NAGA: variants seen among roughly 807,000 people sequenced by gnomAD.
NAGA encodes the protein alpha-N-acetylgalactosaminidase.
NAGA carries 42 observed loss-of-function variants against 45.6 expected under a neutral mutation model. The observed-to-expected ratio is 0.92, with a 90% CI of 0.72 to 1.19. The LOEUF (loss-of-function observed/expected upper bound fraction) is 1.19. Among genes scored for constraint, NAGA ranks in the 50% most tolerant of loss-of-function variants. The pLI is 0.00. For synonymous variants in NAGA, 176 were observed against 203.1 expected, an observed-to-expected ratio of 0.87 and a Z score of 1.13; for missense variants, 493 against 544.8, an observed-to-expected ratio of 0.90 and a Z score of 0.95.
At position 42,067,781 on chromosome 22, in the gene NAGA, G is replaced by C. The variant is rs766999974; in HGVS notation, c.308C>G (p.Pro103Arg). Residue 103 changes from proline to arginine, a missense_variant, in exon 3 of 9, where the codon CCT becomes CGT. Physicochemically the swap from Pro to Arg is moderately radical, Grantham distance 103. Coordinates refer to ENST00000396398, the MANE Select transcript of NAGA (RefSeq NM_000262.3). ...GCGGCTCACGTAGTCAGCCAGGAAAGGAATGCCATGAGGGAAGCGCTTGGG... is the reference window on the plus strand; with the variant it reads ...GCGGCTCACGTAGTCAGCCAGGAAACGAATGCCATGAGGGAAGCGCTTGGG... Reference protein sequence around the residue: ...PDPKRFPHGIPFLADYVHSLG... With the variant: ...PDPKRFPHGIRFLADYVHSLG... 9.2e-5 allele frequency: 149 copies of C among 1,612,338 alleles called. No individual in the cohort carries two copies. Among genetic ancestry groups the C allele is most frequent in the Non-Finnish European group, 1.1e-4 (131 of 1,179,962 alleles).
At chr22:42,064,300 A>G (rs1001652568) in intron 6 of NAGA, among the ~76,000 whole-genome samples, 4 of 151,272 alleles carry the variant, frequency 2.6e-5, no homozygotes, top group African/African-American at 7.3e-5. Flanking sequence ...AGATCATGCC[A>G]TTGCACTCCA....
rs1232680711 is a variant in NAGA at position 42,070,740 on chromosome 22, C to T, written c.-443G>A. 3 of 297,538 alleles carry T rather than the reference C, an allele frequency of 1.0e-5. No homozygotes were observed. The highest frequency in any genetic ancestry group is 2.0e-5 in the Non-Finnish European group (3 of 151,782). 18.4% of individuals were successfully genotyped at this position (297,538 alleles called of 1,614,324 possible). ...CTGGGCTCCCCAAAACCGCAGAGCC[C>T]CCTCCCACCGCACTTATCCTACCGA... On this transcript the variant is annotated 5_prime_UTR_variant, in exon 1 of 9. Transcript: ENST00000396398.
chr22:42,059,642 T>C lies in NAGA; in HGVS notation c.*637A>G, dbSNP rs915355315. ...AGGAAGTACAATCTTCTGGTCACTT[T>C]GGAAAAGGAGGGGCCAGACGATGCC... On this transcript the variant is annotated 3_prime_UTR_variant, in exon 9 of 9. Transcript: ENST00000396398. 1 of 154,042 alleles carries C rather than the reference T, an allele frequency of 6.5e-6. No individual in the cohort carries two copies. The highest frequency in any genetic ancestry group is 6.4e-5 in the Admixed American group (1 of 15,698). 9.5% of individuals were successfully genotyped at this position (154,042 alleles called of 1,614,324 possible). A position where few individuals can be genotyped will look rare whatever the true frequency, so the allele number is the denominator to read the frequency against.
chr22:42,060,543 A>G (rs766320751), intron 8 of NAGA, 130 bp from the exon 9 acceptor site: 17 of 1,297,696 alleles, frequency 1.3e-5, no homozygotes, highest in Non-Finnish European at 1.7e-5. Context: ...TATGCCCTAC[A>G]GAAGTGGGAG....
At position 42,060,041 on chromosome 22, in the gene NAGA, G is replaced by C; in HGVS notation, c.*238C>G. ...TGCTCAGCAACGTCTGTGGGGCTGCGCACATGGAAGTAGAGGCCAGGAAGG... is the reference window on the plus strand; with the variant it reads ...TGCTCAGCAACGTCTGTGGGGCTGCCCACATGGAAGTAGAGGCCAGGAAGG... On this transcript the variant is annotated 3_prime_UTR_variant, in exon 9 of 9. Transcript: ENST00000396398. The C allele has an allele frequency of 1.8e-6, 1 of 540,724 alleles. No individual in the cohort carries two copies. The highest frequency in any genetic ancestry group is 2.0e-5 in the South Asian group (1 of 50,910). 33.5% of individuals were successfully genotyped at this position (540,724 alleles called of 1,614,324 possible). A position where few individuals can be genotyped will look rare whatever the true frequency, so the allele number is the denominator to read the frequency against.
chr22:42,066,675 G>A (rs757362724), intron 5 of NAGA, 35 bp downstream of exon 5: 1 of 1,552,202 alleles, frequency 6.4e-7, no homozygotes, highest in Non-Finnish European at 8.7e-7. Context: ...CCTGGGTGTG[G>A]GAAGCGCCAT....
intron 7 of NAGA, 132 bp from the exon 8 acceptor site, chr22:42,061,199 A>G: frequency 8.6e-7 from 1 of 1,160,708 alleles, no homozygotes; most frequent in Non-Finnish European, 1.2e-6. Flanking sequence ...GGAGGATGCC[A>G]CGGGCCTCCA....
intron 2 of NAGA, 136 bp downstream of exon 2, chr22:42,068,303 C>T (rs866715147): frequency 4.1e-5 from 58 of 1,422,036 alleles, no homozygotes; most frequent in Middle Eastern, 2.2e-4. Context: ...TCAGACAGTC[C>T]GAGTGACTTC....
In NAGA at chr22:42,059,399, TG is replaced by T. The variant is rs1418218999; in HGVS notation, c.*879del. 2 of 152,478 alleles carry T rather than the reference TG, an allele frequency of 1.3e-5. No homozygotes were observed. Among genetic ancestry groups the T allele is most frequent in the East Asian group, 3.8e-4 (2 of 5,196 alleles). 9.4% of individuals were successfully genotyped at this position (152,478 alleles called of 1,614,324 possible). A position where few individuals can be genotyped will look rare whatever the true frequency, so the allele number is the denominator to read the frequency against. On this transcript the variant is annotated 3_prime_UTR_variant, in exon 9 of 9. Coordinates refer to ENST00000396398, the MANE Select transcript of NAGA (RefSeq NM_000262.3). Reference sequence around the variant, plus strand: ...ATATGAACCTCCTTTGCAGCCAGGTTGGGAGAGAAATAAAGGAAAAGAAGTA... The same window carrying T: ...ATATGAACCTCCTTTGCAGCCAGGTTGGAGAGAAATAAAGGAAAAGAAGTA...
intron 2 of NAGA, 59 bp downstream of exon 2, chr22:42,068,379 TG>T: frequency 6.2e-7 from 1 of 1,613,488 alleles, no homozygotes; most frequent in African/African-American, 1.3e-5. Flanking sequence ...CTCCACTTCC[TG>T]CCCCCGAATC....
In NAGA at chr22:42,060,405, G is replaced by A. The variant is rs781670429; in HGVS notation, c.1110C>T (p.Asp370=). The part of the protein sequence containing the change: ...FTGSVIYEAQ[D]VYSGDIISGL... ...CACTGATGATGTCACCTGAGTAGAC[G>A]TCCTGGGCCTGCAGTGGGGAGGGAC... Residue 370 remains aspartate, a synonymous_variant, in exon 9 of 9, where the codon GAC becomes GAT. Transcript: ENST00000396398. 13 of 1,613,120 alleles carry A rather than the reference G, an allele frequency of 8.1e-6. No homozygotes were observed. The highest frequency in any genetic ancestry group is 6.7e-5 in the Admixed American group (4 of 60,006).
chr22:42,061,794 CA>C (rs200378502), intron 7 of NAGA, among the ~76,000 whole-genome samples: 3,443 of 151,232 alleles, frequency 0.023, 142 homozygotes, highest in African/African-American at 0.08. Flanking sequence ...GAAAAAAATA[CA>C]AAAAAAATTA....
intron 7 of NAGA, among the ~76,000 whole-genome samples, chr22:42,061,990 A>C (rs1471655963): frequency 6.6e-6 from 1 of 150,496 alleles, no homozygotes; most frequent in Non-Finnish European, 1.5e-5. Flanking sequence ...GGTGACACTG[A>C]AGTCCAGTCT....
chr22:42,068,480 G>A lies in NAGA; in HGVS notation c.111C>T (p.Arg37=), dbSNP rs766264575. 1.9e-6 allele frequency: 3 copies of A among 1,614,170 alleles called. No individual in the cohort carries two copies. The South Asian group carries it at 3.3e-5, about 18-fold the overall frequency. The change falls in exon 2 of 9, where the codon CGC becomes CGT. Residue 37 remains arginine, a synonymous_variant. Coordinates refer to ENST00000396398, the MANE Select transcript of NAGA (RefSeq NM_000262.3). ...PMGWLAWERF[R]CNINCDEDPK... The stretch of plus-strand genomic sequence containing the variant: ...GGTCCTCATCACAGTTAATGTTGCA[G>A]CGGAAGCGTTCCCAGGCCAGCCAGC...
In NAGA at chr22:42,066,014, G is replaced by T; in HGVS notation, c.598-115C>A. On this transcript the variant is annotated intron_variant, in intron 5 of 8. Coordinates refer to ENST00000396398, the MANE Select transcript of NAGA (RefSeq NM_000262.3). ...GAGACAGAGAGTGGGGAAGAGGGAAGAGAACAGGCCCCACCGGCTTGCTCA... is the reference window on the plus strand; with the variant it reads ...GAGACAGAGAGTGGGGAAGAGGGAATAGAACAGGCCCCACCGGCTTGCTCA... 2.2e-6 allele frequency: 3 copies of T among 1,352,504 alleles called. No individual in the cohort carries two copies. In the South Asian group the frequency reaches 3.7e-5, roughly 17 times the overall value. The allele number at this position is 1,352,504 out of a possible 1,614,324, so 83.8% of individuals were successfully genotyped here. A position where few individuals can be genotyped will look rare whatever the true frequency, so the allele number is the denominator to read the frequency against.
chr22:42,067,714 AAAGGAGTGGTCTAGCCCTGAGGCC>A lies in NAGA; in HGVS notation c.324+27_324+50del, dbSNP rs775153374. The stretch of plus-strand genomic sequence containing the variant: ...AGTGAGCCCTAAGCGAGGTAGGGTG[AAAGGAGTGGTCTAGCCCTGAGGCC>A]AAGGGCAGGGCTGGGGTGCGGCTCA... On this transcript the variant is annotated intron_variant, in intron 3 of 8. Transcript: ENST00000396398. The A allele has an allele frequency of 2.6e-6, 4 of 1,519,358 alleles. No homozygotes were observed. The African/African-American group carries it at 4.1e-5, about 16-fold the overall frequency. 94.1% of individuals were successfully genotyped at this position (1,519,358 alleles called of 1,614,324 possible). A position where few individuals can be genotyped will look rare whatever the true frequency, so the allele number is the denominator to read the frequency against.
intron 2 of NAGA, 58 bp from the exon 3 acceptor site, chr22:42,067,994 C>A: frequency 6.6e-7 from 1 of 1,508,238 alleles, no homozygotes; most frequent in Non-Finnish European, 9.2e-7. Flanking sequence ...CTCACCCACA[C>A]CCTGCCTCAG....
At chr22:42,065,322 C>T (rs1042549714) in intron 6 of NAGA, among the ~76,000 whole-genome samples, 1 of 152,134 alleles carries the variant, frequency 6.6e-6, no homozygotes, top group Admixed American at 6.5e-5. Flanking sequence ...ACTGTGAGGG[C>T]CAGTTGTCCC....
intron 4 of NAGA, 35 bp from the exon 5 acceptor site, chr22:42,066,839 A>G: frequency 6.3e-7 from 1 of 1,577,646 alleles, no homozygotes. Context: ...GTCCTGAGGA[A>G]GTGCAGGAGG....
Sources: gnomAD v4.1 joint callset for allele counts (sites outside exome capture counted in the v4.1 genomes callset) on GRCh38, gnomAD v4.1.1 for gene constraint, MANE v1.5 for transcripts, NCBI Gene and HGNC (gene_info 2026-07-23, HGNC 2026-07-21) for gene names.